Variants in TTLL9 observed in about 807,000 individuals in gnomAD.
TTLL9 encodes the protein probable tubulin polyglutamylase TTLL9.
TTLL9 carries 47 observed loss-of-function variants against 65.6 expected under a neutral mutation model. The ratio of observed to expected loss-of-function variants is 0.72; its 90% CI spans 0.57 to 0.91. The LOEUF is 0.91. Ranked by LOEUF, TTLL9 falls within the 40% of genes least tolerant of loss-of-function variation. The probability of loss-of-function intolerance (pLI) is 0.00; values close to 1 mark genes in which losing one functional copy is unlikely to be tolerated. For synonymous variants in TTLL9, 179 were observed against 204.8 expected (o/e 0.87, Z 1.07); for missense variants, 537 against 568.8 (o/e 0.94, Z 0.57).
chr20:31,931,131 G>C (rs2064002230), intron 10 of TTLL9, among the ~76,000 whole-genome samples: 2 of 146,312 alleles, frequency 1.4e-5, no homozygotes, highest in East Asian at 4.0e-4. Context: ...CCAGGCTGGA[G>C]TGCAGTGGCA....
chr20:31,871,223 A>T lies in TTLL9; in HGVS notation c.69+28A>T. 1.9e-6 allele frequency: 3 copies of T among 1,610,440 alleles called. No individual in the cohort carries two copies. The South Asian group carries it at 3.3e-5, about 18-fold the overall frequency. The stretch of plus-strand genomic sequence containing the variant: ...GAATGTTGGGAGAGGGGTTTGAGGG[A>T]GGGTTCCAGTCTGAAGGAGACTACA... On this transcript the variant is annotated intron_variant, in intron 2 of 14. Coordinates refer to ENST00000535842, the MANE Select transcript of TTLL9 (RefSeq NM_001008409.5).
intron 10 of TTLL9, 76 bp from the exon 11 acceptor site, chr20:31,933,724 T>G (rs1443992208): frequency 1.8e-5 from 25 of 1,393,256 alleles, no homozygotes; most frequent in Middle Eastern, 3.7e-4. Context: ...CAATTCTCAG[T>G]TCAGTCCTGG....
intron 2 of TTLL9, chr20:31,879,990 C>G (rs1001724710): frequency 2.7e-6 from 1 of 367,952 alleles, no homozygotes; most frequent in Admixed American, 3.5e-5. Flanking sequence ...GATGGGTGTT[C>G]CTCGCGGAAT....
intron 3 of TTLL9, among the ~76,000 whole-genome samples, chr20:31,887,619 G>A (rs1211576016): frequency 6.6e-6 from 1 of 152,134 alleles, no homozygotes; most frequent in African/African-American, 2.4e-5. Context: ...CAACAACCCT[G>A]TGATGACTTG....
chr20:31,919,580 A>T (rs769302616), intron 6 of TTLL9, among the ~76,000 whole-genome samples: 4 of 152,152 alleles, frequency 2.6e-5, no homozygotes, highest in Non-Finnish European at 4.4e-5. Context: ...TGTTCCCAGG[A>T]CTGTTAGAAA....
chr20:31,903,348 A>T (rs976418465), intron 4 of TTLL9, among the ~76,000 whole-genome samples: 2 of 152,204 alleles, frequency 1.3e-5, no homozygotes, highest in Non-Finnish European at 2.9e-5. Flanking sequence ...TTTATATTCG[A>T]GTTATAAGAA....
chr20:31,873,782 GAAAAA>G (rs2062986295), intron 2 of TTLL9, among the ~76,000 whole-genome samples: 3 of 139,536 alleles, frequency 2.1e-5, no homozygotes, highest in African/African-American at 8.0e-5. Context: ...AAGAAAGAAA[GAAAAA>G]GAAAGAAAGG....
chr20:31,878,181 G>A (rs2123373604), intron 2 of TTLL9, among the ~76,000 whole-genome samples: 1 of 152,276 alleles, frequency 6.6e-6, no homozygotes, highest in East Asian at 1.9e-4. Context: ...TCAATATACA[G>A]TGAGTCATTT....
At chr20:31,878,430 A>G (rs2063066685) in intron 2 of TTLL9, among the ~76,000 whole-genome samples, 1 of 152,254 alleles carries the variant, frequency 6.6e-6, no homozygotes, top group African/African-American at 2.4e-5. Flanking sequence ...AAATAGTACA[A>G]CAAAGCAGGT....
At chr20:31,899,416 G>A (rs1382296901) in intron 4 of TTLL9, among the ~76,000 whole-genome samples, 1 of 152,156 alleles carries the variant, frequency 6.6e-6, no homozygotes, top group Non-Finnish European at 1.5e-5. Flanking sequence ...GATTGCTTGA[G>A]TCCAGGAGTT....
intron 2 of TTLL9, chr20:31,884,142 A>G: frequency 2.2e-6 from 1 of 446,236 alleles, no homozygotes. Flanking sequence ...TATATGTATC[A>G]GTTTCCAATG....
intron 8 of TTLL9, among the ~76,000 whole-genome samples, 183 bp downstream of exon 8, chr20:31,923,236 G>A (rs564729700): frequency 3.9e-5 from 6 of 152,212 alleles, no homozygotes; most frequent in South Asian, 2.1e-4. Flanking sequence ...CCCTCTGCCC[G>A]GCATGTCCAT....
chr20:31,873,042 G>A, intron 2 of TTLL9: 1 of 517,782 alleles, frequency 1.9e-6, no homozygotes, highest in South Asian at 1.4e-5. Context: ...AGCAGCTCAG[G>A]TAAGAGGTGA....
chr20:31,920,845 C>T (rs2063806001), intron 7 of TTLL9: 1 of 152,564 alleles, frequency 6.6e-6, no homozygotes, highest in Non-Finnish European at 1.5e-5. Context: ...GTGCTGCCTG[C>T]CATTATTGGG....
chr20:31,917,626 A>G (rs1489061482), intron 6 of TTLL9, among the ~76,000 whole-genome samples: 1 of 152,136 alleles, frequency 6.6e-6, no homozygotes, highest in East Asian at 1.9e-4. Context: ...GTACTCTCAC[A>G]CCAGCAGTGT....
chr20:31,884,167 T>C (rs992445370), intron 2 of TTLL9: 2 of 425,268 alleles, frequency 4.7e-6, no homozygotes, highest in African/African-American at 4.1e-5. Flanking sequence ...CTTTAACAAA[T>C]TGTCACCAAT....
intron 4 of TTLL9, among the ~76,000 whole-genome samples, chr20:31,901,817 T>C (rs2063483938): frequency 6.6e-6 from 1 of 152,216 alleles, no homozygotes; most frequent in South Asian, 2.1e-4. Flanking sequence ...CCCCGCCTCA[T>C]GGCCTCTACT....
intron 14 of TTLL9, among the ~76,000 whole-genome samples, chr20:31,942,429 G>A (rs2064226124): frequency 6.6e-6 from 1 of 152,182 alleles, no homozygotes; most frequent in Non-Finnish European, 1.5e-5. Flanking sequence ...CATGGGTTGG[G>A]TAAGGGAAGA....
intron 10 of TTLL9, among the ~76,000 whole-genome samples, chr20:31,928,377 T>C (rs1260311513): frequency 6.6e-6 from 1 of 152,108 alleles, no homozygotes; most frequent in African/African-American, 2.4e-5. Flanking sequence ...TAACAACCCA[T>C]GCATTTACCA....
Sources: allele counts gnomAD v4.1 joint callset (sites outside exome capture counted in the v4.1 genomes callset), GRCh38; gene constraint gnomAD v4.1.1; transcripts MANE v1.5; gene names NCBI Gene and HGNC (gene_info 2026-07-23, HGNC 2026-07-21).